The following ASIC2 variants were observed in gnomAD, a reference collection of about 807,000 sequenced individuals.
ASIC2 encodes acid sensing ion channel subunit 2, also known as acid-sensing ion channel 2.
In ASIC2, 25 loss-of-function variants were observed where a neutral mutation model predicts 57.3. The ratio of observed to expected loss-of-function variants is 0.44; its 90% CI spans 0.32 to 0.61. ASIC2 has a LOEUF of 0.61. Among genes scored for constraint, ASIC2 ranks in the 20% least tolerant of loss-of-function variants. The pLI, the probability that ASIC2 is intolerant of heterozygous loss-of-function variation, is 0.06. For missense variants in ASIC2, 641 were observed against 738.1 expected (o/e 0.87, Z 1.52); for synonymous variants, 319 against 307.5 (o/e 1.04, Z -0.39).
chr17:33,143,924 G>C (rs1233923010), intron 1 of ASIC2, among the ~76,000 whole-genome samples: 1 of 152,160 alleles, frequency 6.6e-6, no homozygotes, highest in Non-Finnish European at 1.5e-5. Context: ...AAGATTAAAT[G>C]CAGTGTGGTG....
intron 1 of ASIC2, among the ~76,000 whole-genome samples, chr17:33,721,416 A>T (rs1909384137): frequency 6.6e-6 from 1 of 152,222 alleles, no homozygotes; most frequent in Non-Finnish European, 1.5e-5. Flanking sequence ...TCTGAGTGAG[A>T]TAATTCAACA....
intron 1 of ASIC2, among the ~76,000 whole-genome samples, chr17:33,576,853 G>A (rs960050512): frequency 1.3e-5 from 2 of 152,178 alleles, no homozygotes; most frequent in African/African-American, 2.4e-5. Flanking sequence ...CTGGGGAAAG[G>A]TATAGAACAT....
At chr17:33,889,588 G>A (rs1321434640) in intron 1 of ASIC2, among the ~76,000 whole-genome samples, 1 of 152,126 alleles carries the variant, frequency 6.6e-6, no homozygotes, top group Non-Finnish European at 1.5e-5. Flanking sequence ...AAGAGAAGGA[G>A]CTTAGCTTCT....
intron 1 of ASIC2, among the ~76,000 whole-genome samples, chr17:33,465,689 A>T (rs751630169): frequency 1.3e-5 from 2 of 152,152 alleles, no homozygotes; most frequent in Non-Finnish European, 2.9e-5. Flanking sequence ...GTGGGCTTTG[A>T]TGATAGGTAA....
At chr17:33,226,274 A>C (rs1315946883) in intron 1 of ASIC2, among the ~76,000 whole-genome samples, 1 of 152,206 alleles carries the variant, frequency 6.6e-6, no homozygotes, top group East Asian at 1.9e-4. Context: ...TATTTATGGA[A>C]TAGAGATGCC....
chr17:33,148,249 A>G (rs1023157824), intron 1 of ASIC2, among the ~76,000 whole-genome samples: 1 of 152,204 alleles, frequency 6.6e-6, no homozygotes, highest in Non-Finnish European at 1.5e-5. Flanking sequence ...ACATTGACAC[A>G]TACCATATGC....
chr17:33,980,773 G>GGAAAGACAT (rs1182007970), intron 1 of ASIC2: 5 of 152,160 alleles, frequency 3.3e-5, no homozygotes, highest in Non-Finnish European at 7.3e-5. Flanking sequence ...ATTGATCCAT[G>GGAAAGACAT]GAAAGACATT....
intron 1 of ASIC2, among the ~76,000 whole-genome samples, chr17:33,782,443 T>C (rs1176957640): frequency 6.6e-6 from 1 of 151,672 alleles, no homozygotes; most frequent in East Asian, 1.9e-4. Flanking sequence ...TTTAAAAATA[T>C]AAGCTGGCCA....
rs996486697 is a variant in ASIC2 at position 33,794,898 on chromosome 17, C to T, written c.555+361080G>A. 3 of 152,176 alleles carry T rather than the reference C, an allele frequency of 2.0e-5. No homozygotes were observed. In the South Asian group the frequency reaches 6.2e-4, roughly 32 times the overall value. The allele number at this position is 152,176 out of a possible 1,614,324, so 9.4% of individuals were successfully genotyped here. ...GCCTGGTTCTAGTCCTTAGCTCTGT[C>T]TCTAACAAGCAGTATATCTTTGAAT... On this transcript the variant is annotated intron_variant, in intron 1 of 9. Transcript: ENST00000359872.
chr17:33,353,847 G>T (rs145056205), intron 1 of ASIC2, among the ~76,000 whole-genome samples: 10 of 152,004 alleles, frequency 6.6e-5, no homozygotes, highest in African/African-American at 2.2e-4. Flanking sequence ...CCAAGCACAG[G>T]GTCTCCATCA....
chr17:33,589,744 A>T lies in ASIC2; in HGVS notation c.556-477677T>A, dbSNP rs143846487. On this transcript the variant is annotated intron_variant, in intron 1 of 9. Coordinates refer to the ASIC2 transcript ENST00000359872. The stretch of plus-strand genomic sequence containing the variant: ...ATAATATTCATATATATATATTCAC[A>T]CACCACATTTTGTTTAGCCATTCAA... Among the ~76,000 whole-genome samples the T allele has an allele frequency of 5.2e-3, 787 of 152,282 alleles. 9 individuals are homozygous for T. The highest frequency in any genetic ancestry group is 0.017 in the African/African-American group (715 of 41,546).
chr17:33,230,807 A>G (rs1239430968), intron 1 of ASIC2, among the ~76,000 whole-genome samples: 1 of 152,190 alleles, frequency 6.6e-6, no homozygotes, highest in Admixed American at 6.5e-5. Context: ...AGGCAGGCCC[A>G]TCTGCGCAAG....
chr17:33,365,875 A>G (rs542153885), intron 1 of ASIC2, among the ~76,000 whole-genome samples: 1 of 152,356 alleles, frequency 6.6e-6, no homozygotes, highest in African/African-American at 2.4e-5. Context: ...AATTTGGGGA[A>G]CATGGACATT....
chr17:33,753,236 A>G (rs1910488247), intron 1 of ASIC2, among the ~76,000 whole-genome samples: 1 of 152,172 alleles, frequency 6.6e-6, no homozygotes, highest in African/African-American at 2.4e-5. Context: ...TTCCAGCTAT[A>G]TGACATTCTG....
At chr17:33,609,159 G>A (rs765460783) in intron 1 of ASIC2, among the ~76,000 whole-genome samples, 3 of 152,162 alleles carry the variant, frequency 2.0e-5, no homozygotes, top group Non-Finnish European at 2.9e-5. Context: ...TACTACAACA[G>A]AATTTTAAAA....
chr17:33,785,787 G>A (rs898931999), intron 1 of ASIC2, among the ~76,000 whole-genome samples: 2 of 152,186 alleles, frequency 1.3e-5, no homozygotes, highest in Non-Finnish European at 1.5e-5. Context: ...CCAAATTGCA[G>A]GGGCCAGAGA....
rs140753412 is a variant in ASIC2, at chr17:33,198,251, C to A, written c.709-86184G>T. Among the ~76,000 whole-genome samples the A allele has an allele frequency of 7.0e-3, 1,069 of 152,248 alleles. 11 individuals are homozygous for A. The highest frequency in any genetic ancestry group is 0.024 in the African/African-American group (1,001 of 41,556). Reference sequence around the variant, plus strand: ...ACCTGTAGTCCCAGCTACTAGGGGACTGAGGTGGGAGGATCCCTTGAACTC... The same window carrying A: ...ACCTGTAGTCCCAGCTACTAGGGGAATGAGGTGGGAGGATCCCTTGAACTC... On this transcript the variant is annotated intron_variant, in intron 1 of 9. Transcript: ENST00000225823.
At chr17:33,157,788 G>A (rs965677870) in intron 1 of ASIC2, among the ~76,000 whole-genome samples, 3 of 152,270 alleles carry the variant, frequency 2.0e-5, no homozygotes, top group Middle Eastern at 3.4e-3. Flanking sequence ...TGCTAATAAC[G>A]TTTCCCCGAC....
At chr17:33,597,659 A>T (rs1905021829) in intron 1 of ASIC2, among the ~76,000 whole-genome samples, 1 of 152,146 alleles carries the variant, frequency 6.6e-6, no homozygotes, top group African/African-American at 2.4e-5. Context: ...GGTAAAGTTG[A>T]CCTTAATACG....
Sources: gnomAD v4.1 joint callset for allele counts (sites outside exome capture counted in the v4.1 genomes callset) on GRCh38, gnomAD v4.1.1 for gene constraint, MANE v1.5 for transcripts, NCBI Gene and HGNC (gene_info 2026-07-23, HGNC 2026-07-21) for gene names.